The following TMEM33 variants were observed in gnomAD, a reference collection of about 807,000 sequenced individuals.
TMEM33 encodes the protein transmembrane protein 33.
TMEM33 carries 16 observed loss-of-function variants against 29.7 expected under a neutral mutation model. The ratio of observed to expected loss-of-function variants is 0.54; its 90% CI spans 0.36 to 0.82. The LOEUF is 0.82. TMEM33 is among the 40% of genes least tolerant of loss of function. TMEM33 has a pLI of 0.00. For missense variants in TMEM33, 252 were observed against 295.3 expected (o/e 0.85, Z 1.08); for synonymous variants, 112 against 109.4 (o/e 1.02, Z -0.15).
At chr4:41,947,868 C>G (rs1314197748) in intron 5 of TMEM33, among the ~76,000 whole-genome samples, 3 of 152,164 alleles carry the variant, frequency 2.0e-5, no homozygotes, top group Admixed American at 1.3e-4. Flanking sequence ...CTTACACATG[C>G]GTTGCACATG....
At chr4:41,953,666 G>T in intron 6 of TMEM33, 1 of 436,896 alleles carries the variant, frequency 2.3e-6, no homozygotes, top group South Asian at 1.6e-5. Context: ...CCTAATTTCA[G>T]TATTGTGTCT....
intron 3 of TMEM33, among the ~76,000 whole-genome samples, chr4:41,940,046 C>CT (rs71650953): frequency 0.32 from 26,416 of 81,844 alleles, 5,573 homozygotes; most frequent in East Asian, 0.78. Flanking sequence ...GTTAAACTTT[C>CT]TTTTTTTTTT....
intron 3 of TMEM33, chr4:41,939,774 C>T (rs527730890): frequency 2.6e-5 from 12 of 457,150 alleles, no homozygotes; most frequent in African/African-American, 2.4e-4. Flanking sequence ...TCCATCTTAA[C>T]CCCAGTGAAC....
At chr4:41,940,046 C>CCTTTTTTTTT (rs1553910603) in intron 3 of TMEM33, among the ~76,000 whole-genome samples, 894 of 81,432 alleles carry the variant, frequency 0.011, 31 homozygotes, top group African/African-American at 0.023. Flanking sequence ...GTTAAACTTT[C>CCTTTTTTTTT]TTTTTTTTTT....
In TMEM33 at chr4:41,960,312, T is replaced by C. The variant is rs1159379053; in HGVS notation, c.*6113T>C. On this transcript the variant is annotated 3_prime_UTR_variant, in exon 7 of 7. Transcript: ENST00000504986. ...CCTGGGATCCATATTTGTTTTGTGT[T>C]CTGCTTAAATCAGCAAGAATGATAA... The C allele has an allele frequency of 6.6e-6, 1 of 152,204 alleles. No individual in the cohort carries two copies. The highest frequency in any genetic ancestry group is 1.5e-5 in the Non-Finnish European group (1 of 68,000). The allele number at this position is 152,204 out of a possible 1,614,324, so 9.4% of individuals were successfully genotyped here. A position where few individuals can be genotyped will look rare whatever the true frequency, so the allele number is the denominator to read the frequency against.
rs1713335676 is a variant in TMEM33, at chr4:41,958,002, A to AT, written c.*3809dup. The AT allele has an allele frequency of 6.5e-6, 1 of 152,828 alleles. No individual in the cohort carries two copies. The highest frequency in any genetic ancestry group is 2.4e-5 in the African/African-American group (1 of 41,374). The allele number at this position is 152,828 out of a possible 1,614,324, so 9.5% of individuals were successfully genotyped here. A position where few individuals can be genotyped will look rare whatever the true frequency, so the allele number is the denominator to read the frequency against. On this transcript the variant is annotated 3_prime_UTR_variant, in exon 7 of 7. Coordinates refer to ENST00000504986, the MANE Select transcript of TMEM33 (RefSeq NM_018126.3). ...TCAAGATTGAAAAAAAAAATTAAGC[A>AT]TTTTTTGTTTGTTTGCTTGTTTGTT...
intron 3 of TMEM33, among the ~76,000 whole-genome samples, chr4:41,942,974 C>A (rs1712608360): frequency 6.6e-6 from 1 of 152,120 alleles, no homozygotes; most frequent in Non-Finnish European, 1.5e-5. Context: ...GTCTTTGGGA[C>A]TAAAAATTTG....
chr4:41,956,388 T>C lies in TMEM33; in HGVS notation c.*2189T>C, dbSNP rs1188857765. 6.6e-6 allele frequency: 1 copy of C among 152,218 alleles called. No homozygotes were observed. Among genetic ancestry groups the C allele is most frequent in the African/African-American group, 2.4e-5 (1 of 41,446 alleles). 9.4% of individuals were successfully genotyped at this position (152,218 alleles called of 1,614,324 possible). On this transcript the variant is annotated 3_prime_UTR_variant, in exon 7 of 7. Coordinates refer to ENST00000504986, the MANE Select transcript of TMEM33 (RefSeq NM_018126.3). ...TAGAACATTTATCTAAAGTAAGATATTAGCCCAGAACAATACTACTAACTG... is the reference window on the plus strand; with the variant it reads ...TAGAACATTTATCTAAAGTAAGATACTAGCCCAGAACAATACTACTAACTG...
rs1390359155 is a variant in TMEM33, at chr4:41,960,039, G to A, written c.*5840G>A. The A allele has an allele frequency of 6.6e-6, 1 of 152,090 alleles. No individual in the cohort carries two copies. The highest frequency in any genetic ancestry group is 2.4e-5 in the African/African-American group (1 of 41,426). The allele number at this position is 152,090 out of a possible 1,614,324, so 9.4% of individuals were successfully genotyped here. A position where few individuals can be genotyped will look rare whatever the true frequency, so the allele number is the denominator to read the frequency against. On this transcript the variant is annotated 3_prime_UTR_variant, in exon 7 of 7. Transcript: ENST00000504986. ...AATAAATTGAAAAATTCATTCCCCT[G>A]TATTCAAGACCAAAGCACATAAATG...
chr4:41,938,724 G>T (rs761971018), intron 2 of TMEM33, 28 bp downstream of exon 2: 18 of 1,607,126 alleles, frequency 1.1e-5, no homozygotes, highest in Non-Finnish European at 1.4e-5. Flanking sequence ...TGCTGCCTTT[G>T]ATATTCAATT....
chr4:41,952,715 A>G (rs1160281825), intron 6 of TMEM33, among the ~76,000 whole-genome samples: 1 of 152,140 alleles, frequency 6.6e-6, no homozygotes, highest in African/African-American at 2.4e-5. Flanking sequence ...GACACCGAGT[A>G]CTTGGGCTTT....
chr4:41,954,388 T>A lies in TMEM33; in HGVS notation c.*189T>A. 1 of 632,062 alleles carries A rather than the reference T, an allele frequency of 1.6e-6. No homozygotes were observed. Among genetic ancestry groups the A allele is most frequent in the Non-Finnish European group, 2.5e-6 (1 of 400,140 alleles). The allele number at this position is 632,062 out of a possible 1,614,324, so 39.2% of individuals were successfully genotyped here. On this transcript the variant is annotated 3_prime_UTR_variant, in exon 7 of 7. Transcript: ENST00000504986. ...TCAAGCTTAAAAAGTTTTGAGAAAATTTTACTGCGCTGTGTTGCTAATGGT... is the reference window on the plus strand; with the variant it reads ...TCAAGCTTAAAAAGTTTTGAGAAAAATTTACTGCGCTGTGTTGCTAATGGT...
chr4:41,942,293 AC>A (rs1560516689), intron 3 of TMEM33, among the ~76,000 whole-genome samples: 1 of 152,210 alleles, frequency 6.6e-6, no homozygotes, highest in Admixed American at 6.5e-5. Flanking sequence ...TATGATCTCT[AC>A]TTAGGAAATG....
At position 41,939,185 on chromosome 4, in the gene TMEM33, G is replaced by T. The variant is rs746297087; in HGVS notation, c.141-11G>T. 5.7e-6 allele frequency: 9 copies of T among 1,587,662 alleles called. No individual in the cohort carries two copies. The highest frequency in any genetic ancestry group is 2.7e-5 in the African/African-American group (2 of 73,226). ...ATGTCTCATGATAACCTCTCCTCTGGTAATTTGCAGGTTGCATGAAGCAGC... is the reference window on the plus strand; with the variant it reads ...ATGTCTCATGATAACCTCTCCTCTGTTAATTTGCAGGTTGCATGAAGCAGC... On this transcript the variant is annotated splice_polypyrimidine_tract_variant and intron_variant, in intron 2 of 6. Coordinates refer to ENST00000504986, the MANE Select transcript of TMEM33 (RefSeq NM_018126.3).
intron 6 of TMEM33, among the ~76,000 whole-genome samples, chr4:41,950,465 G>T (rs1712991373): frequency 6.6e-6 from 1 of 152,050 alleles, no homozygotes; most frequent in South Asian, 2.1e-4. Flanking sequence ...CATTGGTAGA[G>T]GAAATAACTC....
chr4:41,935,187 A>G (rs1041672316), upstream of TMEM33: 2 of 531,882 alleles, frequency 3.8e-6, no homozygotes, highest in African/African-American at 1.9e-5. Context: ...TTGGCTCTTT[A>G]GGGCTTCACC....
At position 41,955,847 on chromosome 4, in the gene TMEM33, G is replaced by C. The variant is rs1400271143; in HGVS notation, c.*1648G>C. Reference sequence around the variant, plus strand: ...TTCTAATTATGTTTTAAAAAATGAAGTCTTGAATTATATCAAGAAATTTTG... The same window carrying C: ...TTCTAATTATGTTTTAAAAAATGAACTCTTGAATTATATCAAGAAATTTTG... On this transcript the variant is annotated 3_prime_UTR_variant, in exon 7 of 7. Transcript: ENST00000504986. 3 of 152,554 alleles carry C rather than the reference G, an allele frequency of 2.0e-5. No individual in the cohort carries two copies. Among genetic ancestry groups the C allele is most frequent in the Non-Finnish European group, 4.4e-5 (3 of 68,008 alleles). The allele number at this position is 152,554 out of a possible 1,614,324, so 9.5% of individuals were successfully genotyped here. A position where few individuals can be genotyped will look rare whatever the true frequency, so the allele number is the denominator to read the frequency against.
intron 1 of TMEM33, among the ~76,000 whole-genome samples, chr4:41,936,362 G>A (rs903354068): frequency 1.3e-5 from 2 of 152,112 alleles, no homozygotes; most frequent in Non-Finnish European, 2.9e-5. Flanking sequence ...GAAACATAGC[G>A]AGACCTCATC....
chr4:41,940,190 A>T (rs1712469632), intron 3 of TMEM33, among the ~76,000 whole-genome samples: 1 of 151,432 alleles, frequency 6.6e-6, no homozygotes, highest in Non-Finnish European at 1.5e-5. Flanking sequence ...GTTCTTTACT[A>T]TAGTGGCTTT....
Sources: allele counts gnomAD v4.1 joint callset (sites outside exome capture counted in the v4.1 genomes callset), GRCh38; gene constraint gnomAD v4.1.1; transcripts MANE v1.5; gene names NCBI Gene and HGNC (gene_info 2026-07-23, HGNC 2026-07-21).